The following MVP variants were observed in gnomAD, a reference collection of about 807,000 sequenced individuals.
The protein encoded by MVP is major vault protein.
A neutral mutation model predicts 83.5 loss-of-function variants in MVP; 62 were observed. That is an observed-to-expected ratio of 0.74 (90% CI 0.61 to 0.92). The LOEUF is 0.92. Among genes scored for constraint, MVP ranks in the 40% least tolerant of loss-of-function variants. MVP has a pLI of 0.00. For missense variants in MVP, 1,000 were observed against 1,203.4 expected (o/e 0.83, Z 2.50); for synonymous variants, 505 against 504.1 (o/e 1.00, Z -0.02).
intron 11 of MVP, 87 bp downstream of exon 11, chr16:29,844,966 G>A (rs753527184): frequency 2.7e-6 from 4 of 1,472,648 alleles, no homozygotes; most frequent in South Asian, 1.3e-5. Flanking sequence ...CTTGTGGACT[G>A]CCTGCTGCCA....
At chr16:29,828,904 C>A (rs943689596) in intron 1 of MVP, among the ~76,000 whole-genome samples, 1 of 152,098 alleles carries the variant, frequency 6.6e-6, no homozygotes, top group Non-Finnish European at 1.5e-5. Context: ...TGAAGTTTTA[C>A]AGATCGTGGG....
intron 11 of MVP, 61 bp from the exon 12 acceptor site, chr16:29,845,802 G>A (rs911769208): frequency 3.3e-6 from 5 of 1,505,604 alleles, no homozygotes; most frequent in Non-Finnish European, 3.7e-6. Context: ...CGCTGCCCTT[G>A]GCGCTCCTGT....
At chr16:29,820,966 AGAT>A (rs1057206098) in intron 1 of MVP, 85 of 152,452 alleles carry the variant, frequency 5.6e-4, no homozygotes, top group African/African-American at 2.0e-3. Flanking sequence ...TAACTCTGAC[AGAT>A]GAGGGTTTCT....
intron 11 of MVP, among the ~76,000 whole-genome samples, chr16:29,845,273 T>A (rs977799676): frequency 6.7e-6 from 1 of 149,892 alleles, no homozygotes; most frequent in Non-Finnish European, 1.5e-5. Context: ...AAACCTAAAC[T>A]CCTTCCTGCA....
At chr16:29,832,292 CTTTTTTTTTTTTTT>C (rs36059297) in intron 3 of MVP, among the ~76,000 whole-genome samples, 1 of 107,310 alleles carries the variant, frequency 9.3e-6, no homozygotes, top group South Asian at 3.0e-4. Flanking sequence ...ATTCTTGTAC[CTTTTTTTTTTTTTT>C]TTTTTTTTTG....
At position 29,846,175 on chromosome 16, in the gene MVP, C is replaced by T. The variant is rs1439012369; in HGVS notation, c.2156C>T (p.Thr719Ile). 1.2e-6 allele frequency: 2 copies of T among 1,610,864 alleles called. No individual in the cohort carries two copies. Among genetic ancestry groups the T allele is most frequent in the African/African-American group, 2.7e-5 (2 of 74,896 alleles). ...LEALSMAVES[T>I]GTAKAEAESR... is the part of the protein sequence containing the mutation. ...CTCCCCAGCATGGCCGTGGAGAGCACCGGGACTGCCAAGGCGGAGGCCGAG... is the reference window on the plus strand; with the variant it reads ...CTCCCCAGCATGGCCGTGGAGAGCATCGGGACTGCCAAGGCGGAGGCCGAG... The change falls in exon 13 of 15, where the codon ACC becomes ATC. Residue 719 changes from threonine to isoleucine, a missense_variant. Coordinates refer to ENST00000357402, the MANE Select transcript of MVP (RefSeq NM_005115.5).
rs1596925830 is a variant in MVP, at chr16:29,841,877, T to C, written c.1436+37T>C. ...CAGCGCAGGGTGTAGGGGGTGGCTC[T>C]CCATGGGTCTGGCTCTGACCCTCGG... is the stretch of plus-strand genomic sequence containing the variant. On this transcript the variant is annotated intron_variant, in intron 9 of 14. Coordinates refer to ENST00000357402, the MANE Select transcript of MVP (RefSeq NM_005115.5). This position sits in a 1 kb window ranked among gnomAD's most constrained non-coding sequence, Gnocchi z 4.7. The C allele has an allele frequency of 6.2e-7, 1 of 1,609,970 alleles. No individual in the cohort carries two copies. The highest frequency in any genetic ancestry group is 1.3e-5 in the African/African-American group (1 of 74,960).
Position 29,840,475 on chromosome 16 carries a change from G to A in MVP, c.1191+16G>A, listed in dbSNP as rs1290395606. On this transcript the variant is annotated intron_variant, in intron 8 of 14. Coordinates refer to ENST00000357402, the MANE Select transcript of MVP (RefSeq NM_005115.5). ...GACCGGAAAGGTAATGGCTGGGAGT[G>A]AGCAGCAGTGCTGCCACGTGGCCTT... is the stretch of plus-strand genomic sequence containing the variant. 1 of 1,555,854 alleles carries A rather than the reference G, an allele frequency of 6.4e-7. No homozygotes were observed.
In MVP at chr16:29,847,843, T is replaced by C; in HGVS notation, c.2536T>C (p.Phe846Leu). ...TCCCATCAACCTCTTCAACACAGCC[T>C]TTGGGCTGCTGGGGATGGGGCCCGA... ...STPINLFNTAFGLLGMGPEGQ... is the reference protein window; with the variant it reads ...STPINLFNTALGLLGMGPEGQ... Residue 846 changes from phenylalanine (F) to leucine (L), a missense_variant, in exon 15 of 15, where the codon TTT (phenylalanine) becomes CTT (leucine). Phe to Leu is a conservative substitution (Grantham distance 22, BLOSUM62 0). Transcript: ENST00000357402. The C allele has an allele frequency of 6.2e-7, 1 of 1,614,174 alleles. No individual in the cohort carries two copies. Among genetic ancestry groups the C allele is most frequent in the Non-Finnish European group, 8.5e-7 (1 of 1,180,026 alleles).
At chr16:29,837,493 C>T (rs983439497) in intron 7 of MVP, among the ~76,000 whole-genome samples, 6 of 152,148 alleles carry the variant, frequency 3.9e-5, no homozygotes, top group African/African-American at 1.2e-4. Context: ...GTGGCTCATA[C>T]GTGTAATCCC....
rs760234729 is a variant in MVP, at chr16:29,833,786, G to A, written c.375G>A (p.Ala125=). ...CCAACACTGCCCTCCATCTAAAGGCGCTGCTTGATTTTGAGGATAAAGATG... is the reference window on the plus strand; with the variant it reads ...CCAACACTGCCCTCCATCTAAAGGCACTGCTTGATTTTGAGGATAAAGATG... ...VLPNTALHLK[A]LLDFEDKDGD... The change falls in exon 4 of 15, where the codon GCG becomes GCA. Residue 125 remains alanine, a synonymous_variant. Transcript: ENST00000357402. The A allele has an allele frequency of 2.3e-5, 37 of 1,614,038 alleles. 1 individual carries two copies. Among genetic ancestry groups the A allele is most frequent in the South Asian group, 4.4e-5 (4 of 91,084 alleles).
chr16:29,824,864 T>C (rs1434745429), intron 1 of MVP, among the ~76,000 whole-genome samples: 1 of 151,998 alleles, frequency 6.6e-6, no homozygotes, highest in Non-Finnish European at 1.5e-5. Flanking sequence ...GTAGCAGAAG[T>C]TTACTTTTGA....
At position 29,834,007 on chromosome 16, in the gene MVP, C is replaced by T. The variant is rs1436106267; in HGVS notation, c.518C>T (p.Ala173Val). The T allele has an allele frequency of 6.2e-7, 1 of 1,614,062 alleles. No homozygotes were observed. The highest frequency in any genetic ancestry group is 8.5e-7 in the Non-Finnish European group (1 of 1,179,980). ...GCCACCATCATCAGGCAGAACCAGGCTCTGCGGCTCAGGGCCCGCAAGGAG... is the reference window on the plus strand; with the variant it reads ...GCCACCATCATCAGGCAGAACCAGGTTCTGCGGCTCAGGGCCCGCAAGGAG... Reference protein sequence around the residue: ...IQATIIRQNQALRLRARKECW... With the variant: ...IQATIIRQNQVLRLRARKECW... The change falls in exon 5 of 15, where the codon GCT (alanine) becomes GTT (valine). Residue 173 changes from alanine (A) to valine (V), a missense_variant. Coordinates refer to ENST00000357402, the MANE Select transcript of MVP (RefSeq NM_005115.5).
chr16:29,840,283 C>G lies in MVP; in HGVS notation c.1015C>G (p.Pro339Ala), dbSNP rs566369687. Residue 339 changes from proline (P) to alanine (A), a missense_variant, in exon 8 of 15, where the codon CCC becomes GCC. Coordinates refer to ENST00000357402, the MANE Select transcript of MVP (RefSeq NM_005115.5). ...QQGLLLRALQ[P>A]LEEGEDEEKV... Reference sequence around the variant, plus strand: ...GGGGCTGCTGCTGAGGGCCCTGCAGCCCCTGGAGGAGGGGGAGGATGAGGA... The same window carrying G: ...GGGGCTGCTGCTGAGGGCCCTGCAGGCCCTGGAGGAGGGGGAGGATGAGGA... The G allele has an allele frequency of 3.7e-6, 6 of 1,613,748 alleles. No individual in the cohort carries two copies. In the East Asian group the frequency reaches 8.9e-5, roughly 24 times the overall value.
At chr16:29,838,063 G>A (rs1195715503) in intron 7 of MVP, among the ~76,000 whole-genome samples, 1 of 152,120 alleles carries the variant, frequency 6.6e-6, no homozygotes, top group Non-Finnish European at 1.5e-5. Context: ...TGTCAGGAAA[G>A]CAGCTTGGGC....
intron 1 of MVP, 200 bp from the exon 2 acceptor site, chr16:29,830,315 G>T: frequency 2.2e-6 from 1 of 449,386 alleles, no homozygotes. Flanking sequence ...TCTTGGCAAA[G>T]GTAAGGTCAG....
rs2067597774 is a variant in MVP, at chr16:29,847,706, C to G, written c.2455-56C>G. The G allele has an allele frequency of 3.2e-6, 5 of 1,542,108 alleles. No individual in the cohort carries two copies. The African/African-American group carries it at 4.1e-5, about 13-fold the overall frequency. Reference sequence around the variant, plus strand: ...ACCAGCTGACTTAAGGAGGGTCACTCTGAAGTGGCCAGGGTTTGACGCCCA... The same window carrying G: ...ACCAGCTGACTTAAGGAGGGTCACTGTGAAGTGGCCAGGGTTTGACGCCCA... On this transcript the variant is annotated intron_variant, in intron 14 of 14. Transcript: ENST00000357402.
At chr16:29,831,225 CG>C in intron 3 of MVP, 152 bp downstream of exon 3, 1 of 781,586 alleles carries the variant, frequency 1.3e-6, no homozygotes, top group East Asian at 2.7e-5. Context: ...GGCATAATCT[CG>C]GCTCACTGGA....
intron 13 of MVP, 75 bp downstream of exon 13, chr16:29,846,359 C>T: frequency 6.8e-7 from 1 of 1,462,448 alleles, no homozygotes; most frequent in Non-Finnish European, 9.1e-7. Context: ...GTCCCTGAGA[C>T]TGTATAGGAC....
Sources: allele counts gnomAD v4.1 joint callset (sites outside exome capture counted in the v4.1 genomes callset), GRCh38; gene constraint gnomAD v4.1.1; non-coding constraint Gnocchi (gnomAD v3.1); transcripts MANE v1.5; gene names NCBI Gene and HGNC (gene_info 2026-07-23, HGNC 2026-07-21).